Variants in MINK1 observed in about 807,000 individuals in gnomAD.
MINK1 encodes the protein misshapen like kinase 1.
MINK1 carries 46 observed loss-of-function variants against 178.4 expected under a neutral mutation model. The ratio of observed to expected loss-of-function variants is 0.26; its 90% CI spans 0.20 to 0.33. The LOEUF (loss-of-function observed/expected upper bound fraction) is 0.33. MINK1 is among the 10% of genes least tolerant of loss of function. The probability of loss-of-function intolerance (pLI) is 1.00; values close to 1 mark genes in which losing one functional copy is unlikely to be tolerated. For missense variants in MINK1, 1,366 were observed against 1,814.9 expected, an observed-to-expected ratio of 0.75 and a Z score of 4.49; for synonymous variants, 797 against 709.7, an observed-to-expected ratio of 1.12 and a Z score of -1.96.
chr17:4,897,523 C>T lies in MINK1; in HGVS notation c.*236C>T, dbSNP rs1011337256. 1 of 516,254 alleles carries T rather than the reference C, an allele frequency of 1.9e-6. No individual in the cohort carries two copies. Among genetic ancestry groups the T allele is most frequent in the Non-Finnish European group, 3.5e-6 (1 of 288,816 alleles). 32.0% of individuals were successfully genotyped at this position (516,254 alleles called of 1,614,324 possible). A position where few individuals can be genotyped will look rare whatever the true frequency, so the allele number is the denominator to read the frequency against. ...CCTGTCCCCAGCTTCTGGGGAGGGA[C>T]ACAGCTTCCCCTTCCCAGGAATTGA... On this transcript the variant is annotated 3_prime_UTR_variant, in exon 32 of 32. Coordinates refer to ENST00000355280, the MANE Select transcript of MINK1 (RefSeq NM_153827.5).
At position 4,892,519 on chromosome 17, in the gene MINK1, G is replaced by C. The variant is rs1968956370; in HGVS notation, c.2198+7G>C. On this transcript the variant is annotated splice_region_variant and intron_variant, in intron 18 of 31. Transcript: ENST00000355280. ...GCCCGCCCAACGCCTCTAGGTAATA[G>C]AGTTGTCCCCCAACTCACTCTCACC... is the stretch of plus-strand genomic sequence containing the variant. 1.3e-5 allele frequency: 20 copies of C among 1,550,958 alleles called. No individual in the cohort carries two copies. In the East Asian group the frequency reaches 4.8e-4, roughly 37 times the overall value.
At chr17:4,840,281 T>A (rs991542432) in intron 1 of MINK1, among the ~76,000 whole-genome samples, 1 of 152,134 alleles carries the variant, frequency 6.6e-6, no homozygotes, top group Non-Finnish European at 1.5e-5. Context: ...GCCATTCTTA[T>A]GGTGAAGCAT....
chr17:4,893,583 T>A lies in MINK1; in HGVS notation c.2550T>A (p.Asp850Glu), dbSNP rs952910244. 1 of 1,552,722 alleles carries A rather than the reference T, an allele frequency of 6.4e-7. No individual in the cohort carries two copies. The highest frequency in any genetic ancestry group is 8.7e-7 in the Non-Finnish European group (1 of 1,145,206). The change falls in exon 21 of 32, where the codon GAT becomes GAA. Residue 850 changes from aspartate (D) to glutamate (E), a missense_variant. Transcript: ENST00000355280. ...GCGGGCCAGCAGAGGGGAGCAGAGA[T>A]ACCCCTGGGGGCCGGTACGGCATCG... is the stretch of plus-strand genomic sequence containing the variant. ...GEGGPAEGSR[D>E]TPGGRSDGDT...
Position 4,850,670 on chromosome 17 carries a change from C to T in MINK1, c.57+17030C>T, listed in dbSNP as rs182313060. 3.7e-4 allele frequency among the ~76,000 whole-genome samples: 57 copies of T among 152,160 alleles called. 2 individuals are homozygous for T. The highest frequency in any genetic ancestry group is 3.1e-3 in the Admixed American group (47 of 15,278). On this transcript the variant is annotated intron_variant, in intron 1 of 31. Coordinates refer to ENST00000355280, the MANE Select transcript of MINK1 (RefSeq NM_153827.5). ...GGCCTGTCATTGGTCTTCTGGAATT[C>T]GAAATCATATGGGTACAGGTCACAA...
intron 12 of MINK1, among the ~76,000 whole-genome samples, chr17:4,888,747 G>C (rs1422869713): frequency 7.2e-6 from 1 of 138,238 alleles, no homozygotes; most frequent in African/African-American, 2.7e-5. Context: ...AGGGTGACGA[G>C]TGCAGTGGCG....
At position 4,852,756 on chromosome 17, in the gene MINK1, G is replaced by GCAGTGTGATTTGT. The variant is rs1375263270; in HGVS notation, c.57+19116_57+19117insCAGTGTGATTTGT. On this transcript the variant is annotated intron_variant, in intron 1 of 31. Transcript: ENST00000355280. Reference sequence around the variant, plus strand: ...GGGAGACAGAATCTACTGGGTGGGGGGGGTGTGATTTGTGGGGGAGTGTGG... The same window carrying GCAGTGTGATTTGT: ...GGGAGACAGAATCTACTGGGTGGGGGCAGTGTGATTTGTGGGTGTGATTTGTGGGGGAGTGTGG... Among the ~76,000 whole-genome samples the GCAGTGTGATTTGT allele has an allele frequency of 6.7e-4, 33 of 49,078 alleles. 16 individuals carry two copies. The highest frequency in any genetic ancestry group is 1.3e-3 in the South Asian group (2 of 1,566). 32.2% of individuals were successfully genotyped at this position (49,078 alleles called of 152,430 possible).
At chr17:4,893,224 TCTCTCCTAAC>T (rs1567620106) in intron 20 of MINK1, 157 bp downstream of exon 20, 2 of 1,522,492 alleles carry the variant, frequency 1.3e-6, no homozygotes, top group African/African-American at 4.0e-5. Flanking sequence ...TTTCCTAACC[TCTCTCCTAAC>T]CTCTCTCCTA....
Position 4,833,467 on chromosome 17 carries a change from G to C in MINK1, c.-117G>C. 2 of 807,520 alleles carry C rather than the reference G, an allele frequency of 2.5e-6. No individual in the cohort carries two copies. Among genetic ancestry groups the C allele is most frequent in the Non-Finnish European group, 1.9e-6 (1 of 533,728 alleles). 50.0% of individuals were successfully genotyped at this position (807,520 alleles called of 1,614,324 possible). ...CCCTCCCCCTCCCCGGTCTCCGGGG[G>C]AGGCGCGGTGGAGTCCGCCCCCGGG... On this transcript the variant is annotated 5_prime_UTR_variant, in exon 1 of 32. Coordinates refer to ENST00000355280, the MANE Select transcript of MINK1 (RefSeq NM_153827.5). This position sits in a 1 kb window ranked among gnomAD's most constrained non-coding sequence, Gnocchi z 4.8.
Position 4,894,181 on chromosome 17 carries a change from A to T in MINK1, c.2678A>T (p.Glu893Val), listed in dbSNP as rs768272242. ...CTGCCCTCTGTCCTGTAGACCCCTG[A>T]AGAGGAGCGGAACCTGCTGCATGCT... The part of the protein sequence containing the change: ...GGTMVVQRTP[E>V]EERNLLHADS... The change falls in exon 23 of 32, where the codon GAA (glutamate) becomes GTA (valine). Residue 893 changes from glutamate to valine, a missense_variant. Physicochemically the swap from Glu to Val is moderately radical, Grantham distance 121. This residue lies in a region of MINK1 where 709 missense variants were observed against 692.3 expected (regional missense o/e 1.02). Transcript: ENST00000355280. This position sits in a 1 kb window ranked among gnomAD's most constrained non-coding sequence, Gnocchi z 4.1. 6.8e-6 allele frequency: 11 copies of T among 1,613,572 alleles called. No homozygotes were observed. The highest frequency in any genetic ancestry group is 9.3e-6 in the Non-Finnish European group (11 of 1,179,790).
At chr17:4,879,743 A>G (rs1205901560) in intron 2 of MINK1, among the ~76,000 whole-genome samples, 2 of 152,186 alleles carry the variant, frequency 1.3e-5, no homozygotes, top group Non-Finnish European at 2.9e-5. Context: ...AAGAAGAGGA[A>G]GTTTCTTCCC....
In MINK1 at chr17:4,893,499, C is replaced by A; in HGVS notation, c.2466C>A (p.Asp822Glu). The A allele has an allele frequency of 6.2e-7, 1 of 1,600,216 alleles. No individual in the cohort carries two copies. The highest frequency in any genetic ancestry group is 8.6e-7 in the Non-Finnish European group (1 of 1,169,284). ...EAPRPPKKAM[D>E]YSSSSEEVES... is the part of the protein sequence containing the mutation. ...CTCGGCCTCCCAAGAAGGCCATGGA[C>A]TACTCGTCGTCCAGCGAGGAGGTGG... is the stretch of plus-strand genomic sequence containing the variant. The change falls in exon 21 of 32, where the codon GAC becomes GAA. Residue 822 changes from aspartate to glutamate, a missense_variant. Asp to Glu is a conservative substitution (Grantham distance 45, BLOSUM62 2). Around this residue, in one of 14 missense-constraint regions of MINK1, gnomAD observed 709 missense variants for 692.3 expected, o/e 1.02. Transcript: ENST00000355280.
At position 4,896,126 on chromosome 17, in the gene MINK1, A is replaced by G. The variant is rs771879148; in HGVS notation, c.3465+23A>G. 1.2e-6 allele frequency: 2 copies of G among 1,606,802 alleles called. No individual in the cohort carries two copies. The highest frequency in any genetic ancestry group is 1.7e-6 in the Non-Finnish European group (2 of 1,176,632). Reference sequence around the variant, plus strand: ...AAGGTAATCCCAGCCTCGGTCCCTAACACCATCTGGAGTCCCAGCGCCTCT... The same window carrying G: ...AAGGTAATCCCAGCCTCGGTCCCTAGCACCATCTGGAGTCCCAGCGCCTCT... On this transcript the variant is annotated intron_variant, in intron 28 of 31. Coordinates refer to ENST00000355280, the MANE Select transcript of MINK1 (RefSeq NM_153827.5). This position sits in a 1 kb window ranked among gnomAD's most constrained non-coding sequence, Gnocchi z 4.6.
intron 1 of MINK1, among the ~76,000 whole-genome samples, chr17:4,841,837 T>C (rs1322177372): frequency 6.6e-6 from 1 of 151,882 alleles, no homozygotes; most frequent in Non-Finnish European, 1.5e-5. Flanking sequence ...CACGGTGGGA[T>C]ACAAAGCAGT....
In MINK1 at chr17:4,896,564, TG is replaced by T. The variant is rs1567628610; in HGVS notation, c.3757del (p.Glu1253ArgfsTer14). 1 of 1,613,772 alleles carries T rather than the reference TG, an allele frequency of 6.2e-7. No individual in the cohort carries two copies. The highest frequency in any genetic ancestry group is 8.5e-7 in the Non-Finnish European group (1 of 1,179,812). On this transcript the variant is annotated frameshift_variant, in exon 30 of 32. Coordinates refer to ENST00000355280, the MANE Select transcript of MINK1 (RefSeq NM_153827.5). LOFTEE classifies it high-confidence loss of function. The surrounding 1 kb of genome is among the most constrained non-coding windows in gnomAD (Gnocchi z 4.6). ...CATCATTAAGGATGTGGTGCTGCAG[TG>T]GGGGGAGATGCCTACTTCTGTGGGT... ...GRIIKDVVLQ[W>X]GEMPTSVAYI...
chr17:4,855,596 C>T (rs1912967335), intron 1 of MINK1, among the ~76,000 whole-genome samples: 1 of 150,880 alleles, frequency 6.6e-6, no homozygotes, highest in Admixed American at 6.7e-5. Flanking sequence ...CAGTGAAACC[C>T]CATATCTACT....
At chr17:4,870,045 CT>C (rs1915665387) in intron 1 of MINK1, among the ~76,000 whole-genome samples, 1 of 150,912 alleles carries the variant, frequency 6.6e-6, no homozygotes, top group African/African-American at 2.4e-5. Context: ...GTAGCTGGGA[CT>C]ACAGGCACCC....
At chr17:4,889,936 C>T (rs963791160) in intron 13 of MINK1, 173 bp downstream of exon 13, 1 of 603,012 alleles carries the variant, frequency 1.7e-6, no homozygotes, top group Non-Finnish European at 2.9e-6. Flanking sequence ...ACCCTGACCC[C>T]CTCCCTCTTC....
Position 4,896,825 on chromosome 17 carries a change from C to A in MINK1, c.3915+12C>A. The A allele has an allele frequency of 1.9e-6, 3 of 1,547,008 alleles. No individual in the cohort carries two copies. The highest frequency in any genetic ancestry group is 2.6e-6 in the Non-Finnish European group (3 of 1,147,388). On this transcript the variant is annotated intron_variant, in intron 31 of 31. Transcript: ENST00000355280. This position sits in a 1 kb window ranked among gnomAD's most constrained non-coding sequence, Gnocchi z 4.6. ...AGCGGAATGACAAGGTGGGAGGCTC[C>A]TTCCCTCTGAAAGCCCTGCTGTCCC...
chr17:4,867,483 TA>T (rs1406870541), intron 1 of MINK1, among the ~76,000 whole-genome samples: 1 of 151,728 alleles, frequency 6.6e-6, no homozygotes, highest in Non-Finnish European at 1.5e-5. Flanking sequence ...GACCTAGCTC[TA>T]AAAAAGAATA....
Sources: allele counts gnomAD v4.1 joint callset (sites outside exome capture counted in the v4.1 genomes callset), GRCh38; gene constraint gnomAD v4.1.1; regional missense constraint gnomAD v4.1.1; non-coding constraint Gnocchi (gnomAD v3.1); transcripts MANE v1.5; gene names NCBI Gene and HGNC (gene_info 2026-07-23, HGNC 2026-07-21).